Variants in RUNX1T1 observed in about 807,000 individuals in gnomAD.
The protein encoded by RUNX1T1 is RUNX1 partner transcriptional co-repressor 1.
Under a neutral mutation model 62.8 loss-of-function variants are expected in RUNX1T1, and 4 were observed. The observed-to-expected ratio is 0.06, with a 90% CI of 0.03 to 0.15. The LOEUF (loss-of-function observed/expected upper bound fraction) is 0.15. Among genes scored for constraint, RUNX1T1 ranks in the 10% least tolerant of loss-of-function variants. RUNX1T1 has a pLI of 1.00. For synonymous variants in RUNX1T1, 291 were observed against 286.0 expected (o/e 1.02, Z -0.18); for missense variants, 508 against 754.3 (o/e 0.67, Z 3.82).
At chr8:92,070,782 A>G (rs908573725) in intron 2 of RUNX1T1, among the ~76,000 whole-genome samples, 2 of 152,246 alleles carry the variant, frequency 1.3e-5, no homozygotes, top group African/African-American at 2.4e-5. Context: ...TATTAACATT[A>G]ATGGGAGGCA....
intron 9 of RUNX1T1, among the ~76,000 whole-genome samples, chr8:91,972,963 A>G (rs1398776287): frequency 3.9e-5 from 6 of 152,024 alleles, no homozygotes. Flanking sequence ...TTCGCTTTAA[A>G]AAATACTACT....
intron 1 of RUNX1T1, among the ~76,000 whole-genome samples, chr8:92,047,666 C>T (rs1170427007): frequency 6.6e-6 from 1 of 151,706 alleles, no homozygotes; most frequent in Admixed American, 6.6e-5. Flanking sequence ...GACTTACAGA[C>T]CTATCATAAC....
At chr8:91,979,875 A>T in intron 8 of RUNX1T1, 1 of 531,874 alleles carries the variant, frequency 1.9e-6, no homozygotes, top group Admixed American at 2.2e-5. Flanking sequence ...ATGTGACCTC[A>T]TATGACCCAG....
intron 5 of RUNX1T1, among the ~76,000 whole-genome samples, chr8:92,001,159 TA>T (rs907775166): frequency 2.6e-4 from 38 of 147,200 alleles, no homozygotes; most frequent in South Asian, 6.4e-4. Flanking sequence ...GACACTGTCT[TA>T]AAAAAAAAAA....
intron 1 of RUNX1T1, among the ~76,000 whole-genome samples, chr8:92,051,339 C>A (rs181865337): frequency 6.6e-6 from 1 of 152,020 alleles, no homozygotes; most frequent in African/African-American, 2.4e-5. Context: ...AGTGTTCAAT[C>A]TATAGGAGGA....
intron 1 of RUNX1T1, among the ~76,000 whole-genome samples, chr8:92,087,634 C>T (rs927045038): frequency 6.6e-6 from 1 of 152,044 alleles, no homozygotes; most frequent in African/African-American, 2.4e-5. Flanking sequence ...GGAACTGAGC[C>T]GACTACCTGC....
At chr8:92,027,594 C>T (rs887210429) in intron 1 of RUNX1T1, among the ~76,000 whole-genome samples, 6 of 152,066 alleles carry the variant, frequency 3.9e-5, no homozygotes, top group African/African-American at 9.7e-5. Context: ...GAAGAAGTGC[C>T]GGCACAAGAC....
intron 2 of RUNX1T1, among the ~76,000 whole-genome samples, chr8:92,070,591 T>C (rs912493627): frequency 1.4e-5 from 2 of 143,090 alleles, no homozygotes; most frequent in South Asian, 2.1e-4. Context: ...TAAACAAATA[T>C]ATAAAATATT....
At chr8:91,975,995 G>C (rs1363202351) in intron 8 of RUNX1T1, 22 bp from the exon 10 acceptor site, 12 of 1,569,358 alleles carry the variant, frequency 7.6e-6, no homozygotes, top group Non-Finnish European at 7.9e-6. Flanking sequence ...ATGGGAAGGG[G>C]GTGGAGAGAG....
chr8:91,982,801 AC>A (rs1338813982), intron 8 of RUNX1T1, among the ~76,000 whole-genome samples: 1 of 152,150 alleles, frequency 6.6e-6, no homozygotes, highest in Admixed American at 6.6e-5. Flanking sequence ...CAAGATGTCA[AC>A]TTGCATTTTA....
At chr8:91,955,633 G>A, downstream of RUNX1T1, 1 of 226,074 alleles carries the variant, frequency 4.4e-6, no homozygotes, top group East Asian at 6.4e-5. Flanking sequence ...ACCCTCCCAT[G>A]TAACCAGCAT....
At chr8:91,980,302 A>C (rs528081834) in intron 8 of RUNX1T1, among the ~76,000 whole-genome samples, 1 of 152,374 alleles carries the variant, frequency 6.6e-6, no homozygotes, top group South Asian at 2.1e-4. Flanking sequence ...ATGTGATTTA[A>C]AGAAATCAAT....
chr8:92,068,308 G>A (rs1242370063), intron 2 of RUNX1T1, among the ~76,000 whole-genome samples: 2 of 152,112 alleles, frequency 1.3e-5, no homozygotes, highest in South Asian at 4.1e-4. Flanking sequence ...GAAAACCTTT[G>A]TTTCAATGTC....
exon 11 of RUNX1T1, chr8:91,959,138 CACAGG>C (rs1268774082): frequency 1.8e-5 from 4 of 217,946 alleles, no homozygotes; most frequent in Non-Finnish European, 2.8e-5. Context: ...TGGGAAACCT[CACAGG>C]ACAGAAGTGT....
intron 1 of RUNX1T1, among the ~76,000 whole-genome samples, chr8:92,025,103 A>G (rs942195036): frequency 1.3e-5 from 2 of 152,132 alleles, no homozygotes; most frequent in Non-Finnish European, 2.9e-5. Flanking sequence ...AGGGCTACTC[A>G]TTTCTACAAC....
chr8:92,080,970 T>C (rs971326960), intron 1 of RUNX1T1, among the ~76,000 whole-genome samples: 1 of 152,212 alleles, frequency 6.6e-6, no homozygotes, highest in Non-Finnish European at 1.5e-5. Context: ...CTCTTAAATA[T>C]CTTCTCTGTT....
intron 1 of RUNX1T1, among the ~76,000 whole-genome samples, chr8:92,018,136 A>T (rs900981618): frequency 1.6e-4 from 25 of 152,212 alleles, no homozygotes; most frequent in Admixed American, 6.5e-5. Flanking sequence ...AGATATGAAG[A>T]AATTTCCTGA....
chr8:92,042,125 G>T (rs1410672906), intron 1 of RUNX1T1, among the ~76,000 whole-genome samples: 1 of 152,012 alleles, frequency 6.6e-6, no homozygotes, highest in Admixed American at 6.6e-5. Flanking sequence ...TGGCCTGAAG[G>T]GGTGGTTCTT....
chr8:92,025,938 T>C (rs1000059307), intron 1 of RUNX1T1, among the ~76,000 whole-genome samples: 1 of 152,200 alleles, frequency 6.6e-6, no homozygotes, highest in African/African-American at 2.4e-5. Context: ...TATATGATAT[T>C]AGAAAAAAAG....
Sources: allele counts gnomAD v4.1 joint callset (sites outside exome capture counted in the v4.1 genomes callset), GRCh38; gene constraint gnomAD v4.1.1; transcripts MANE v1.5; gene names NCBI Gene and HGNC (gene_info 2026-07-23, HGNC 2026-07-21).